The following TASOR variants were observed in gnomAD, a reference collection of about 807,000 sequenced individuals.
TASOR encodes the protein transcription activation suppressor.
In TASOR, 53 loss-of-function variants were observed where a neutral mutation model predicts 178.6. The observed-to-expected ratio is 0.30, with a 90% CI of 0.24 to 0.37. The LOEUF is 0.37. Among genes scored for constraint, TASOR ranks in the 10% least tolerant of loss-of-function variants. The pLI, the probability that TASOR is intolerant of heterozygous loss-of-function variation, is 1.00. For synonymous variants in TASOR, 713 were observed against 696.2 expected (o/e 1.02, Z -0.38); for missense variants, 1,815 against 1,971.4 (o/e 0.92, Z 1.50).
chr3:56,636,604 T>C (rs990705538), intron 17 of TASOR, among the ~76,000 whole-genome samples: 2 of 151,936 alleles, frequency 1.3e-5, no homozygotes, highest in Admixed American at 1.3e-4. Context: ...GGTTTTACCA[T>C]GTTGGCCAGG....
At chr3:56,674,925 T>C (rs2031144737) in intron 1 of TASOR, among the ~76,000 whole-genome samples, 1 of 151,994 alleles carries the variant, frequency 6.6e-6, no homozygotes, top group Non-Finnish European at 1.5e-5. Context: ...TACACACCAT[T>C]CTCCTGCCTC....
At chr3:56,636,303 A>AC (rs958681816) in intron 17 of TASOR, among the ~76,000 whole-genome samples, 3 of 151,848 alleles carry the variant, frequency 2.0e-5, no homozygotes, top group Non-Finnish European at 2.9e-5. Flanking sequence ...GAAAAAAAAA[A>AC]CAAAACTTAA....
At chr3:56,650,762 G>A (rs530384498) in intron 11 of TASOR, among the ~76,000 whole-genome samples, 37 of 152,270 alleles carry the variant, frequency 2.4e-4, no homozygotes, top group Non-Finnish European at 4.9e-4. Context: ...ATATAGTATT[G>A]GCCCTGCAAG....
At chr3:56,653,077 A>G (rs1169635192) in intron 11 of TASOR, among the ~76,000 whole-genome samples, 1 of 152,008 alleles carries the variant, frequency 6.6e-6, no homozygotes, top group Non-Finnish European at 1.5e-5. Flanking sequence ...CCACTGGCCA[A>G]CATGGCGAAA....
Position 56,622,672 on chromosome 3 carries a change from C to T in TASOR, c.*365G>A, listed in dbSNP as rs761242527. 6.4e-6 allele frequency: 1 copy of T among 157,342 alleles called. No individual in the cohort carries two copies. Among genetic ancestry groups the T allele is most frequent in the African/African-American group, 2.4e-5 (1 of 41,624 alleles). 9.7% of individuals were successfully genotyped at this position (157,342 alleles called of 1,614,324 possible). On this transcript the variant is annotated 3_prime_UTR_variant, in exon 24 of 24. Transcript: ENST00000683822. The stretch of plus-strand genomic sequence containing the variant: ...TACAAAAGCCTACATCAAAATAATT[C>T]ACTTCAACAAAAGTACTTTATATCA...
intron 11 of TASOR, among the ~76,000 whole-genome samples, chr3:56,660,399 A>G (rs1005401348): frequency 1.3e-5 from 2 of 150,950 alleles, no homozygotes; most frequent in African/African-American, 4.9e-5. Flanking sequence ...CTGAGGCAGG[A>G]GAATTGCTTG....
chr3:56,663,062 C>T (rs930463353), intron 8 of TASOR, among the ~76,000 whole-genome samples: 1 of 151,912 alleles, frequency 6.6e-6, no homozygotes, highest in African/African-American at 2.4e-5. Flanking sequence ...CGCCTGTAAT[C>T]CTAGCTACTC....
Position 56,683,125 on chromosome 3 carries a change from C to G in TASOR, c.-119G>C, listed in dbSNP as rs974122011. 87 of 1,216,676 alleles carry G rather than the reference C, an allele frequency of 7.2e-5. No individual in the cohort carries two copies. The East Asian group carries it at 2.2e-3, about 31-fold the overall frequency. The allele number at this position is 1,216,676 out of a possible 1,614,324, so 75.4% of individuals were successfully genotyped here. On this transcript the variant is annotated 5_prime_UTR_variant, in exon 1 of 24. Transcript: ENST00000683822. ...TCTCAGCCCACCCACCCCCTTCCCCCCGTGGCCTCAGGCTGCGCTCCCGAC... is the reference window on the plus strand; with the variant it reads ...TCTCAGCCCACCCACCCCCTTCCCCGCGTGGCCTCAGGCTGCGCTCCCGAC...
chr3:56,672,969 TGCCACCAC>T (rs947161741), intron 2 of TASOR, among the ~76,000 whole-genome samples: 5 of 151,990 alleles, frequency 3.3e-5, no homozygotes, highest in African/African-American at 4.8e-5. Context: ...TACAGGCATG[TGCCACCAC>T]GCCTAGCTAA....
chr3:56,639,223 T>TA (rs2077073312), intron 16 of TASOR, among the ~76,000 whole-genome samples: 1 of 152,220 alleles, frequency 6.6e-6, no homozygotes, highest in Non-Finnish European at 1.5e-5. Context: ...GTCTACTTTG[T>TA]AACAAAAAGT....
chr3:56,658,381 T>C (rs2077516968), intron 11 of TASOR, among the ~76,000 whole-genome samples: 1 of 152,216 alleles, frequency 6.6e-6, no homozygotes, highest in Non-Finnish European at 1.5e-5. Flanking sequence ...GATATTGTAA[T>C]TTTCTGATAA....
chr3:56,673,387 G>A (rs114469693), intron 2 of TASOR, among the ~76,000 whole-genome samples, 193 bp downstream of exon 2: 7,363 of 137,210 alleles, frequency 0.054, 261 homozygotes, highest in South Asian at 0.17. Flanking sequence ...AGCCGAGATC[G>A]CGCCACTGTA....
At chr3:56,626,871 G>T (rs1400759904) in intron 21 of TASOR, among the ~76,000 whole-genome samples, 166 bp downstream of exon 21, 1 of 151,974 alleles carries the variant, frequency 6.6e-6, no homozygotes, top group Non-Finnish European at 1.5e-5. Context: ...GAAAAATACT[G>T]CTTCTTATAA....
intron 8 of TASOR, 147 bp downstream of exon 8, chr3:56,663,394 G>T: frequency 5.5e-6 from 2 of 362,834 alleles, no homozygotes; most frequent in Non-Finnish European, 4.5e-6. Context: ...TCTTATGCTT[G>T]GACAACCAAA....
intron 9 of TASOR, 51 bp downstream of exon 9, chr3:56,662,334 C>A: frequency 1.1e-6 from 1 of 932,516 alleles, no homozygotes; most frequent in Non-Finnish European, 1.7e-6. Context: ...GAAAAAGGCT[C>A]AAGAAAGTGA....
At position 56,627,123 on chromosome 3, in the gene TASOR, T is replaced by C; in HGVS notation, c.4053A>G (p.Thr1351=). The change falls in exon 21 of 24, where the codon ACA becomes ACG. Residue 1351 remains threonine (T), a synonymous_variant. Transcript: ENST00000683822. Reference sequence around the variant, plus strand: ...CTGGAGTACTAAGTTCCTCAAGGAATGTCAAAAAATTTTTAAGGTTCTCTG... The same window carrying C: ...CTGGAGTACTAAGTTCCTCAAGGAACGTCAAAAAATTTTTAAGGTTCTCTG... ...VTVENLKNFL[T]FLEELSTPEG... 1 of 1,609,204 alleles carries C rather than the reference T, an allele frequency of 6.2e-7. No homozygotes were observed. Among genetic ancestry groups the C allele is most frequent in the Non-Finnish European group, 8.5e-7 (1 of 1,177,716 alleles).
chr3:56,639,529 C>T (rs1178930664), intron 16 of TASOR, among the ~76,000 whole-genome samples: 6 of 152,114 alleles, frequency 3.9e-5, no homozygotes, highest in Non-Finnish European at 7.4e-5. Flanking sequence ...TTAAGATAAT[C>T]CAGTATTAAG....
intron 21 of TASOR, 92 bp from the exon 22 acceptor site, chr3:56,625,098 G>A: frequency 1.6e-6 from 2 of 1,217,066 alleles, no homozygotes; most frequent in South Asian, 2.9e-5. Flanking sequence ...TTTCTCCACT[G>A]AGGCAACTAA....
At chr3:56,667,250 T>C (rs995847304) in intron 6 of TASOR, among the ~76,000 whole-genome samples, 12 of 152,360 alleles carry the variant, frequency 7.9e-5, no homozygotes, top group African/African-American at 2.9e-4. Context: ...CTTAAAATTT[T>C]ATTTTACATA....
Sources: allele counts gnomAD v4.1 joint callset (sites outside exome capture counted in the v4.1 genomes callset), GRCh38; gene constraint gnomAD v4.1.1; transcripts MANE v1.5; gene names NCBI Gene and HGNC (gene_info 2026-07-23, HGNC 2026-07-21).